The following KCNQ3 variants were observed in gnomAD, a reference collection of about 807,000 sequenced individuals.
KCNQ3 encodes the protein potassium voltage-gated channel subfamily Q member 3.
In KCNQ3, 30 loss-of-function variants were observed where a neutral mutation model predicts 92.5. The ratio of observed to expected loss-of-function variants is 0.32; its 90% CI spans 0.24 to 0.44. The LOEUF (loss-of-function observed/expected upper bound fraction) is 0.44, where lower values mean the gene tolerates loss of function less well. Ranked by LOEUF, KCNQ3 falls within the 20% of genes least tolerant of loss-of-function variation. The probability of loss-of-function intolerance (pLI) is 1.00; values close to 1 mark genes in which losing one functional copy is unlikely to be tolerated. For missense variants in KCNQ3, 913 were observed against 1,140.3 expected (o/e 0.80, Z 2.87); for synonymous variants, 450 against 468.8 (o/e 0.96, Z 0.52).
intron 1 of KCNQ3, among the ~76,000 whole-genome samples, chr8:132,187,903 A>ATTG (rs58126860): frequency 0.012 from 660 of 54,734 alleles, 12 homozygotes; most frequent in African/African-American, 0.058. Flanking sequence ...GGTGGTGGTG[A>ATTG]TGGTGGTGGT....
At position 132,294,917 on chromosome 8, in the gene KCNQ3, T is replaced by C. The variant is rs574804420; in HGVS notation, c.387-108736A>G. On this transcript the variant is annotated intron_variant, in intron 1 of 14. Coordinates refer to ENST00000388996, the MANE Select transcript of KCNQ3 (RefSeq NM_004519.4). ...ACTCAAGATGGATTAAAGTCTTAAG[T>C]GTAAAACCCAAAACTACAAAAACCC... is the stretch of plus-strand genomic sequence containing the variant. 1.4e-3 allele frequency among the ~76,000 whole-genome samples: 216 copies of C among 152,288 alleles called. 1 individual carries two copies. Among genetic ancestry groups the C allele is most frequent in the African/African-American group, 5.1e-3 (212 of 41,566 alleles).
chr8:132,449,078 T>G (rs970475216), intron 1 of KCNQ3, among the ~76,000 whole-genome samples: 3 of 152,210 alleles, frequency 2.0e-5, no homozygotes, highest in African/African-American at 7.2e-5. Flanking sequence ...AGCATGTTCT[T>G]CAGCTACGAT....
intron 1 of KCNQ3, among the ~76,000 whole-genome samples, chr8:132,418,383 G>A (rs944569582): frequency 1.3e-5 from 2 of 152,162 alleles, no homozygotes; most frequent in Non-Finnish European, 2.9e-5. Context: ...AGCAGGCGAG[G>A]GAGGGAGGAG....
At position 132,125,355 on chromosome 8, in the gene KCNQ3, T is replaced by C. The variant is rs1435304908; in HGVS notation, c.*3907A>G. The C allele has an allele frequency of 6.6e-6, 1 of 152,166 alleles. No homozygotes were observed. Among genetic ancestry groups the C allele is most frequent in the Non-Finnish European group, 1.5e-5 (1 of 68,038 alleles). 9.4% of individuals were successfully genotyped at this position (152,166 alleles called of 1,614,324 possible). ...AGGAAGCATTTCTGTCTGTATAGAG[T>C]TGTTTGCAGGGATGAAATCAGGTAT... On this transcript the variant is annotated 3_prime_UTR_variant, in exon 15 of 15. Coordinates refer to ENST00000388996, the MANE Select transcript of KCNQ3 (RefSeq NM_004519.4).
At chr8:132,166,987 C>T (rs1183116688) in intron 8 of KCNQ3, among the ~76,000 whole-genome samples, 3 of 152,132 alleles carry the variant, frequency 2.0e-5, no homozygotes, top group Admixed American at 6.5e-5. Context: ...ATGTTCATAG[C>T]AGCATTATTC....
At chr8:132,383,956 T>C (rs1384375798) in intron 1 of KCNQ3, among the ~76,000 whole-genome samples, 1 of 152,196 alleles carries the variant, frequency 6.6e-6, no homozygotes, top group Non-Finnish European at 1.5e-5. Context: ...CATCCAGAGT[T>C]TCTGAGTTAA....
chr8:132,164,803 C>T (rs571668491), intron 8 of KCNQ3, among the ~76,000 whole-genome samples: 7 of 152,284 alleles, frequency 4.6e-5, no homozygotes, highest in South Asian at 2.1e-4. Context: ...TCACTCTCCA[C>T]GATGAGTATT....
intron 9 of KCNQ3, among the ~76,000 whole-genome samples, chr8:132,155,144 A>G (rs1825763816): frequency 6.6e-6 from 1 of 152,066 alleles, no homozygotes; most frequent in Non-Finnish European, 1.5e-5. Flanking sequence ...CACCCCCGAC[A>G]CTACATTGTT....
rs869112851 is a variant in KCNQ3, at chr8:132,154,193, G to GTTTTTTTTTTTTTTTTTTTTTT, written c.1262+9253_1262+9274dup. Among the ~76,000 whole-genome samples, 46 of 27,462 alleles carry GTTTTTTTTTTTTTTTTTTTTTT rather than the reference G, an allele frequency of 1.7e-3. 8 individuals carry two copies. The highest frequency in any genetic ancestry group is 4.0e-3 in the South Asian group (3 of 754). The allele number at this position is 27,462 out of a possible 152,430, so 18.0% of individuals were successfully genotyped here. A position where few individuals can be genotyped will look rare whatever the true frequency, so the allele number is the denominator to read the frequency against. On this transcript the variant is annotated intron_variant, in intron 9 of 14. Coordinates refer to ENST00000388996, the MANE Select transcript of KCNQ3 (RefSeq NM_004519.4). The stretch of plus-strand genomic sequence containing the variant: ...CTGATGTACCATCAAAAGGGTAAAA[G>GTTTTTTTTTTTTTTTTTTTTTT]TTTTTTTTTTTTTTTTTTTTTTTTT...
intron 1 of KCNQ3, among the ~76,000 whole-genome samples, chr8:132,309,728 G>C (rs1273349638): frequency 6.6e-6 from 1 of 152,192 alleles, no homozygotes; most frequent in Non-Finnish European, 1.5e-5. Context: ...TGAAGAAGCC[G>C]ACAAAGACAG....
In KCNQ3 at chr8:132,162,404, T is replaced by TGGTGCTTATGG. The variant is rs1199543429; in HGVS notation, c.1262+1053_1262+1063dup. ...TCTTGAGACCTTGATCATCTACTCC[T>TGGTGCTTATGG]GGTGCTTATGGGGTGTGTGATGTGG... On this transcript the variant is annotated intron_variant, in intron 9 of 14. Coordinates refer to ENST00000388996, the MANE Select transcript of KCNQ3 (RefSeq NM_004519.4). Among the ~76,000 whole-genome samples the TGGTGCTTATGG allele has an allele frequency of 5.3e-5, 8 of 152,196 alleles. No individual in the cohort carries two copies. The South Asian group carries it at 1.4e-3, about 28-fold the overall frequency.
At chr8:132,217,572 G>A (rs763194317) in intron 1 of KCNQ3, among the ~76,000 whole-genome samples, 18 of 152,014 alleles carry the variant, frequency 1.2e-4, no homozygotes, top group East Asian at 1.2e-3. Context: ...TTAGCCAGGC[G>A]TGGTGGCGGG....
chr8:132,184,885 G>A (rs1255678153), intron 2 of KCNQ3, among the ~76,000 whole-genome samples: 1 of 152,196 alleles, frequency 6.6e-6, no homozygotes, highest in Non-Finnish European at 1.5e-5. Context: ...AAGGCACAGA[G>A]TAGTTAAACA....
intron 1 of KCNQ3, among the ~76,000 whole-genome samples, chr8:132,396,306 G>A (rs1418045234): frequency 2.6e-5 from 4 of 151,730 alleles, no homozygotes; most frequent in African/African-American, 9.7e-5. Flanking sequence ...CTGACACTCT[G>A]CAACTTAGAA....
chr8:132,140,752 G>A (rs1042580374), intron 10 of KCNQ3: 7 of 294,842 alleles, frequency 2.4e-5, no homozygotes, highest in South Asian at 4.1e-5. Flanking sequence ...TCCAGAGGGC[G>A]CTTTTCTGCC....
At chr8:132,189,085 C>T (rs1827080691) in intron 1 of KCNQ3, among the ~76,000 whole-genome samples, 1 of 152,182 alleles carries the variant, frequency 6.6e-6, no homozygotes, top group Non-Finnish European at 1.5e-5. Flanking sequence ...CCGCTGCTTC[C>T]CCACATCCAG....
chr8:132,247,125 T>C (rs762874543), intron 1 of KCNQ3, among the ~76,000 whole-genome samples: 3 of 152,240 alleles, frequency 2.0e-5, no homozygotes, highest in Non-Finnish European at 2.9e-5. Context: ...ACTTTTATTA[T>C]ATTGCCTTGT....
At chr8:132,245,086 A>G (rs1298481889) in intron 1 of KCNQ3, among the ~76,000 whole-genome samples, 1 of 152,034 alleles carries the variant, frequency 6.6e-6, no homozygotes, top group Non-Finnish European at 1.5e-5. Context: ...CAATCTCCTG[A>G]TATAATTTGT....
chr8:132,234,081 T>C (rs1563817098), intron 1 of KCNQ3, among the ~76,000 whole-genome samples: 1 of 152,178 alleles, frequency 6.6e-6, no homozygotes, highest in Non-Finnish European at 1.5e-5. Flanking sequence ...CATGTGGCCA[T>C]CCTGTAAATA....
Sources: gnomAD v4.1 joint callset for allele counts (sites outside exome capture counted in the v4.1 genomes callset) on GRCh38, gnomAD v4.1.1 for gene constraint, MANE v1.5 for transcripts, NCBI Gene and HGNC (gene_info 2026-07-23, HGNC 2026-07-21) for gene names.